TNIK: variants seen among roughly 807,000 people sequenced by gnomAD.
TNIK encodes TRAF2 and NCK-interacting protein kinase.
TNIK carries 49 observed loss-of-function variants against 191.3 expected under a neutral mutation model. That is an observed-to-expected ratio of 0.26 (90% CI 0.20 to 0.32). TNIK has a LOEUF of 0.32. Among genes scored for constraint, TNIK ranks in the 10% least tolerant of loss-of-function variants. TNIK has a pLI of 1.00. For missense variants in TNIK, 1,155 were observed against 1,702.3 expected (o/e 0.68, Z 5.66); for synonymous variants, 594 against 600.9 (o/e 0.99, Z 0.17).
intron 1 of TNIK, among the ~76,000 whole-genome samples, chr3:171,373,431 A>G (rs1716801504): frequency 6.6e-6 from 1 of 152,086 alleles, no homozygotes; most frequent in Non-Finnish European, 1.5e-5. Context: ...TTGTTCACTA[A>G]GTGTCAATGA....
chr3:171,167,415 T>C (rs1197771358), intron 9 of TNIK, 145 bp from the exon 10 acceptor site: 2 of 985,446 alleles, frequency 2.0e-6, no homozygotes, highest in African/African-American at 1.6e-5. Context: ...AAAACAGTTG[T>C]AGCACTATAT....
At chr3:171,319,660 T>C (rs1299094955) in intron 2 of TNIK, among the ~76,000 whole-genome samples, 1 of 152,186 alleles carries the variant, frequency 6.6e-6, no homozygotes, top group Non-Finnish European at 1.5e-5. Flanking sequence ...TATGAGCAGT[T>C]GATTAGAGAA....
At chr3:171,254,612 G>T (rs1359260705) in intron 2 of TNIK, among the ~76,000 whole-genome samples, 4 of 152,148 alleles carry the variant, frequency 2.6e-5, no homozygotes, top group African/African-American at 9.7e-5. Context: ...AGAAAACAAT[G>T]ATCATTACTG....
chr3:171,115,577 CTGGGGAACA>C (rs770801778), intron 18 of TNIK, among the ~76,000 whole-genome samples: 2 of 152,180 alleles, frequency 1.3e-5, no homozygotes, highest in Non-Finnish European at 2.9e-5. Flanking sequence ...AGCAGGAAGG[CTGGGGAACA>C]GTCGGAGCAG....
intron 9 of TNIK, among the ~76,000 whole-genome samples, chr3:171,172,714 G>T (rs1159303136): frequency 6.6e-6 from 1 of 152,102 alleles, no homozygotes; most frequent in Non-Finnish European, 1.5e-5. Flanking sequence ...CTAGCAATCA[G>T]GTTACTTTTC....
intron 8 of TNIK, among the ~76,000 whole-genome samples, chr3:171,176,725 C>T (rs1379658838): frequency 6.6e-6 from 1 of 152,218 alleles, no homozygotes; most frequent in African/African-American, 2.4e-5. Flanking sequence ...GCCATTGCAG[C>T]AGCTGGGGCT....
chr3:171,319,992 C>A (rs1755010495), intron 2 of TNIK, among the ~76,000 whole-genome samples: 1 of 152,092 alleles, frequency 6.6e-6, no homozygotes, highest in African/African-American at 2.4e-5. Context: ...AAGGATGACC[C>A]CGAAAGCGTA....
intron 9 of TNIK, among the ~76,000 whole-genome samples, chr3:171,168,633 T>C (rs1734913672): frequency 6.6e-6 from 1 of 152,198 alleles, no homozygotes; most frequent in South Asian, 2.1e-4. Context: ...TTTAAAATAT[T>C]TTACCTAGAA....
At chr3:171,308,308 AAAAC>A (rs1173271250) in intron 2 of TNIK, among the ~76,000 whole-genome samples, 1 of 152,170 alleles carries the variant, frequency 6.6e-6, no homozygotes. Flanking sequence ...GAAGCTGACA[AAAAC>A]AAGCAATGGG....
At chr3:171,174,319 C>T (rs1735708790) in intron 9 of TNIK, among the ~76,000 whole-genome samples, 1 of 152,076 alleles carries the variant, frequency 6.6e-6, no homozygotes, top group African/African-American at 2.4e-5. Context: ...TGGAAAGGGG[C>T]AGAAGGATCC....
At chr3:171,333,572 C>T (rs1420717661) in intron 2 of TNIK, among the ~76,000 whole-genome samples, 1 of 110,642 alleles carries the variant, frequency 9.0e-6, no homozygotes, top group Non-Finnish European at 1.7e-5. Context: ...ACTCAGATGT[C>T]TCAAAAAGAA....
chr3:171,184,243 A>G (rs1560230189), intron 7 of TNIK, among the ~76,000 whole-genome samples: 1 of 152,174 alleles, frequency 6.6e-6, no homozygotes, highest in Non-Finnish European at 1.5e-5. Flanking sequence ...ATATATTTAT[A>G]TATTATGTTA....
intron 9 of TNIK, among the ~76,000 whole-genome samples, chr3:171,171,122 T>A (rs1275204998): frequency 5.3e-4 from 81 of 152,134 alleles, no homozygotes; most frequent in Non-Finnish European, 1.9e-4. Flanking sequence ...TTATTTCACG[T>A]ATGGGTTAAA....
chr3:171,113,449 C>CA (rs1349098304), intron 18 of TNIK, among the ~76,000 whole-genome samples: 13 of 151,866 alleles, frequency 8.6e-5, no homozygotes, highest in Admixed American at 5.9e-4. Context: ...ACTAAAAATA[C>CA]AAAAAAATTA....
chr3:171,358,666 T>C (rs1290284585), intron 2 of TNIK, among the ~76,000 whole-genome samples: 1 of 152,192 alleles, frequency 6.6e-6, no homozygotes, highest in Admixed American at 6.5e-5. Flanking sequence ...TATTTAGATA[T>C]AAACAGGGTA....
chr3:171,411,631 G>C (rs890699118), intron 1 of TNIK, among the ~76,000 whole-genome samples: 6 of 152,252 alleles, frequency 3.9e-5, no homozygotes, highest in Non-Finnish European at 8.8e-5. Context: ...TGCAGTCCTG[G>C]ACATACAGAT....
intron 2 of TNIK, among the ~76,000 whole-genome samples, chr3:171,316,708 C>T (rs1212015535): frequency 6.6e-6 from 1 of 151,958 alleles, no homozygotes; most frequent in Non-Finnish European, 1.5e-5. Flanking sequence ...TTTGCTCCTA[C>T]CTGTGCTTCA....
intron 1 of TNIK, among the ~76,000 whole-genome samples, chr3:171,407,986 T>C (rs1721927973): frequency 6.6e-6 from 1 of 152,144 alleles, no homozygotes; most frequent in Non-Finnish European, 1.5e-5. Flanking sequence ...CATTCTGAGA[T>C]AATAATGTCC....
At chr3:171,176,706 C>T (rs947976870) in intron 8 of TNIK, among the ~76,000 whole-genome samples, 3 of 152,322 alleles carry the variant, frequency 2.0e-5, no homozygotes, top group Non-Finnish European at 2.9e-5. Context: ...TTGAAAGGTG[C>T]GGCCTGCTGC....
Sources: allele counts gnomAD v4.1 joint callset (sites outside exome capture counted in the v4.1 genomes callset), GRCh38; gene constraint gnomAD v4.1.1; transcripts MANE v1.5; gene names NCBI Gene and HGNC (gene_info 2026-07-23, HGNC 2026-07-21).